RBFOX1: variants seen among roughly 807,000 people sequenced by gnomAD.
The protein encoded by RBFOX1 is RNA binding protein fox-1 homolog 1.
In RBFOX1, 8 loss-of-function variants were observed where a neutral mutation model predicts 57.7. The ratio of observed to expected loss-of-function variants is 0.14; its 90% confidence interval spans 0.08 to 0.25. RBFOX1 has a LOEUF of 0.25. RBFOX1 is among the 10% of genes least tolerant of loss of function. RBFOX1 has a pLI of 1.00. For missense variants in RBFOX1, 611 were observed against 548.5 expected (o/e 1.11, Z -1.14); for synonymous variants, 326 against 222.4 (o/e 1.47, Z -4.15).
intron 1 of RBFOX1, among the ~76,000 whole-genome samples, chr16:6,049,216 A>G (rs964007739): frequency 2.0e-5 from 3 of 151,888 alleles, no homozygotes; most frequent in Admixed American, 6.6e-5. Flanking sequence ...GGTGCCCACC[A>G]CCATGCCTGG....
intron 2 of RBFOX1, among the ~76,000 whole-genome samples, chr16:5,553,318 ATTTT>A (rs148430095): frequency 6.9e-6 from 1 of 144,918 alleles, no homozygotes. Context: ...ATGTCTGAAT[ATTTT>A]TTTTTTTTTT....
rs545411597 is a variant in RBFOX1 at position 5,521,155 on chromosome 16, C to T, written c.258+53901C>T. 3.9e-5 allele frequency among the ~76,000 whole-genome samples: 6 copies of T among 152,324 alleles called. No individual in the cohort carries two copies. In the East Asian group the frequency reaches 7.7e-4, roughly 20 times the overall value. Reference sequence around the variant, plus strand: ...TTGCAGTCTGGCTTTCCAACCCTTGCAGCTGAAAGCATTCCTCCCTGAGAT... The same window carrying T: ...TTGCAGTCTGGCTTTCCAACCCTTGTAGCTGAAAGCATTCCTCCCTGAGAT... On this transcript the variant is annotated intron_variant, in intron 2 of 2. Transcript: ENST00000585867.
rs1271872183 is a variant in RBFOX1, at chr16:6,991,161, A to AAAAAAAAAAAAAC, written c.-15-60895_-15-60894insAAAAAAAAAAACA. Among the ~76,000 whole-genome samples the AAAAAAAAAAAAAC allele has an allele frequency of 3.0e-4, 42 of 139,994 alleles. 1 individual carries two copies. Among genetic ancestry groups the AAAAAAAAAAAAAC allele is most frequent in the South Asian group, 7.7e-4 (3 of 3,894 alleles). 91.8% of individuals were successfully genotyped at this position (139,994 alleles called of 152,430 possible). On this transcript the variant is annotated intron_variant, in intron 3 of 15. Transcript: ENST00000550418. Reference sequence around the variant, plus strand: ...CAAAAAAAAAAAAAAAAAAAAAAAAAAGACACGGTGGCGTGTACCTTTAGT... The same window carrying AAAAAAAAAAAAAC: ...CAAAAAAAAAAAAAAAAAAAAAAAAAAAAAAAAAAAAACAGACACGGTGGCGTGTACCTTTAGT...
At chr16:5,869,965 C>A (rs1160849427) in intron 4 of RBFOX1, among the ~76,000 whole-genome samples, 1 of 151,934 alleles carries the variant, frequency 6.6e-6, no homozygotes, top group Non-Finnish European at 1.5e-5. Context: ...GTGGTGTATT[C>A]ATGCAATGAA....
chr16:7,394,167 C>A (rs1479631397), intron 4 of RBFOX1, among the ~76,000 whole-genome samples: 1 of 129,668 alleles, frequency 7.7e-6, no homozygotes, highest in East Asian at 2.5e-4. Flanking sequence ...ACCCAGGAGG[C>A]AGAGGTTGTA....
chr16:6,129,905 C>G (rs941552080), intron 1 of RBFOX1, among the ~76,000 whole-genome samples: 1 of 151,926 alleles, frequency 6.6e-6, no homozygotes, highest in African/African-American at 2.4e-5. Flanking sequence ...AGAAACAAAA[C>G]AAAACACTGT....
At chr16:5,731,310 A>G (rs1597010919) in intron 3 of RBFOX1, among the ~76,000 whole-genome samples, 1 of 152,210 alleles carries the variant, frequency 6.6e-6, no homozygotes, top group African/African-American at 2.4e-5. Flanking sequence ...CACCATCATC[A>G]TCACTATCAG....
At chr16:7,167,973 C>T (rs568797345) in intron 4 of RBFOX1, among the ~76,000 whole-genome samples, 2 of 152,134 alleles carry the variant, frequency 1.3e-5, no homozygotes, top group Non-Finnish European at 2.9e-5. Flanking sequence ...TCTTTAACAG[C>T]GCAGAACCAC....
intron 1 of RBFOX1, among the ~76,000 whole-genome samples, chr16:5,451,906 C>T (rs933643385): frequency 6.6e-6 from 1 of 152,138 alleles, no homozygotes; most frequent in Non-Finnish European, 1.5e-5. Context: ...CCTTCCCTAC[C>T]TCTGGGCTTC....
intron 1 of RBFOX1, among the ~76,000 whole-genome samples, chr16:6,195,668 G>A (rs1217264336): frequency 1.3e-5 from 2 of 151,552 alleles, no homozygotes; most frequent in Non-Finnish European, 1.5e-5. Flanking sequence ...GCAGTGAGCC[G>A]AGATTGCACC....
chr16:5,691,292 A>G (rs982429101), intron 3 of RBFOX1, among the ~76,000 whole-genome samples: 1 of 152,190 alleles, frequency 6.6e-6, no homozygotes, highest in African/African-American at 2.4e-5. Flanking sequence ...GAAACATTGT[A>G]TGCGGTACAT....
intron 3 of RBFOX1, among the ~76,000 whole-genome samples, chr16:7,045,189 C>T (rs774637563): frequency 1.1e-4 from 16 of 152,100 alleles, no homozygotes; most frequent in Non-Finnish European, 1.9e-4. Flanking sequence ...ACTCCCACTT[C>T]CAAACAAAGG....
At chr16:7,280,008 G>A (rs1450355515) in intron 4 of RBFOX1, among the ~76,000 whole-genome samples, 1 of 152,204 alleles carries the variant, frequency 6.6e-6, no homozygotes, top group Non-Finnish European at 1.5e-5. Flanking sequence ...TCCATGGCCA[G>A]CGCCACATCA....
At chr16:6,513,752 CAA>C (rs201934725) in intron 2 of RBFOX1, among the ~76,000 whole-genome samples, 1 of 150,648 alleles carries the variant, frequency 6.6e-6, no homozygotes, top group African/African-American at 2.5e-5. Context: ...AACAAACAAA[CAA>C]AAAAAAACAA....
chr16:6,859,133 ATATATACG>A (rs755047960), intron 3 of RBFOX1, among the ~76,000 whole-genome samples: 7 of 103,492 alleles, frequency 6.8e-5, no homozygotes, highest in South Asian at 6.6e-4. Context: ...ATATATACAT[ATATATACG>A]TATATATATA....
At chr16:6,190,542 T>G (rs1054152897) in intron 1 of RBFOX1, among the ~76,000 whole-genome samples, 2 of 152,190 alleles carry the variant, frequency 1.3e-5, no homozygotes, top group African/African-American at 4.8e-5. Flanking sequence ...TGTTATGAAG[T>G]TGAATGAGAA....
At chr16:6,221,295 G>A (rs994031462) in intron 1 of RBFOX1, among the ~76,000 whole-genome samples, 2 of 152,090 alleles carry the variant, frequency 1.3e-5, no homozygotes, top group Non-Finnish European at 2.9e-5. Flanking sequence ...TTTCCTAATA[G>A]AAACTGTATC....
intron 3 of RBFOX1, among the ~76,000 whole-genome samples, chr16:6,878,141 T>C (rs1567680882): frequency 6.6e-6 from 1 of 152,126 alleles, no homozygotes; most frequent in Non-Finnish European, 1.5e-5. Flanking sequence ...TGATAGCTAA[T>C]GTTTGTGTTG....
chr16:7,424,210 G>A (rs2098581940), intron 4 of RBFOX1, among the ~76,000 whole-genome samples: 1 of 151,836 alleles, frequency 6.6e-6, no homozygotes, highest in South Asian at 2.1e-4. Flanking sequence ...TGCTCAAATA[G>A]GGCAGCCATG....
Sources: gnomAD v4.1 joint callset for allele counts (sites outside exome capture counted in the v4.1 genomes callset) on GRCh38, gnomAD v4.1.1 for gene constraint, MANE v1.5 for transcripts, NCBI Gene and HGNC (gene_info 2026-07-23, HGNC 2026-07-21) for gene names.